DROSHA: variants seen among roughly 807,000 people sequenced by gnomAD.
DROSHA encodes the protein drosha ribonuclease III.
A neutral mutation model predicts 181.9 loss-of-function variants in DROSHA; 56 were observed. The ratio of observed to expected loss-of-function variants is 0.31; its 90% CI spans 0.25 to 0.38. The LOEUF is 0.38. Ranked by LOEUF, DROSHA falls within the 10% of genes least tolerant of loss-of-function variation. DROSHA has a pLI of 1.00. For missense variants in DROSHA, 1,218 were observed against 1,743.5 expected (o/e 0.70, Z 5.37); for synonymous variants, 524 against 591.2 (o/e 0.89, Z 1.65).
intron 30 of DROSHA, among the ~76,000 whole-genome samples, chr5:31,412,012 G>C (rs996009080): frequency 6.6e-6 from 1 of 152,170 alleles, no homozygotes; most frequent in African/African-American, 2.4e-5. Flanking sequence ...ATTTCTACTA[G>C]GAATTTCATC....
chr5:31,427,555 C>T (rs568073884), intron 27 of DROSHA, among the ~76,000 whole-genome samples: 6 of 152,270 alleles, frequency 3.9e-5, no homozygotes, highest in East Asian at 1.9e-4. Flanking sequence ...TAAGGATCAC[C>T]GCAGATACTT....
At chr5:31,489,296 G>A (rs935277655) in intron 13 of DROSHA, among the ~76,000 whole-genome samples, 3 of 152,192 alleles carry the variant, frequency 2.0e-5, no homozygotes, top group African/African-American at 7.2e-5. Context: ...CACTCTGCTA[G>A]ATGATTTATG....
Position 31,420,549 on chromosome 5 carries a change from A to G in DROSHA, c.3525+723T>C, listed in dbSNP as rs182119628. Among the ~76,000 whole-genome samples the G allele has an allele frequency of 2.0e-5, 3 of 152,332 alleles. No individual in the cohort carries two copies. The East Asian group carries it at 5.8e-4, about 29-fold the overall frequency. On this transcript the variant is annotated intron_variant, in intron 30 of 35. Transcript: ENST00000344624. The stretch of plus-strand genomic sequence containing the variant: ...ACCATTTCACTTTGTTTATAAATCA[A>G]ACCTGTCTCTGTAACTCCCTTTCAA...
At chr5:31,421,702 A>C (rs1046373143) in intron 29 of DROSHA, 2 of 213,494 alleles carry the variant, frequency 9.4e-6, no homozygotes, top group African/African-American at 4.6e-5. Flanking sequence ...CTTGAAAGAA[A>C]GCAAACAGGT....
In DROSHA at chr5:31,513,266, G is replaced by A. The variant is rs531905163; in HGVS notation, c.1290+1722C>T. 6.2e-4 allele frequency among the ~76,000 whole-genome samples: 94 copies of A among 152,300 alleles called. 1 individual carries two copies. Among genetic ancestry groups the A allele is most frequent in the Admixed American group, 6.1e-3 (93 of 15,286 alleles). On this transcript the variant is annotated intron_variant, in intron 8 of 35. Transcript: ENST00000344624. ...GCTAGTCCTGCATCATCCTGCAACT[G>A]TGGAAGATGCTCAGGAAGACAGCAG...
intron 33 of DROSHA, 30 bp from the exon 34 acceptor site, chr5:31,406,975 TG>T: frequency 6.3e-7 from 1 of 1,592,418 alleles, no homozygotes; most frequent in Non-Finnish European, 8.6e-7. Flanking sequence ...ACATTTATTA[TG>T]GTAAAGTGTT....
At chr5:31,496,447 A>G (rs1752984093) in intron 11 of DROSHA, among the ~76,000 whole-genome samples, 2 of 152,014 alleles carry the variant, frequency 1.3e-5, no homozygotes, top group African/African-American at 2.4e-5. Context: ...CAAAAAGAAA[A>G]CCATAAACAT....
intron 23 of DROSHA, among the ~76,000 whole-genome samples, chr5:31,445,242 C>T (rs1189037549): frequency 6.6e-6 from 1 of 152,216 alleles, no homozygotes; most frequent in East Asian, 1.9e-4. Context: ...TTGCAAGCAA[C>T]CCCAGAGCCT....
chr5:31,529,177 A>C, intron 3 of DROSHA, 72 bp from the exon 4 acceptor site: 1 of 1,357,136 alleles, frequency 7.4e-7, no homozygotes, highest in Non-Finnish European at 1.0e-6. Flanking sequence ...ATATTTCTGC[A>C]ATTACCATAA....
At chr5:31,449,221 T>C in intron 22 of DROSHA, 60 bp downstream of exon 22, 1 of 1,596,926 alleles carries the variant, frequency 6.3e-7, no homozygotes, top group Non-Finnish European at 8.6e-7. Context: ...GCGAAATAAT[T>C]TACAACAGAA....
chr5:31,454,575 A>C (rs948623657), intron 20 of DROSHA, among the ~76,000 whole-genome samples: 1 of 152,104 alleles, frequency 6.6e-6, no homozygotes, highest in Non-Finnish European at 1.5e-5. Flanking sequence ...GCAACAGAAA[A>C]GAATCACGAT....
chr5:31,512,380 A>G (rs549302304), intron 8 of DROSHA, among the ~76,000 whole-genome samples: 224 of 152,320 alleles, frequency 1.5e-3, no homozygotes, highest in African/African-American at 5.2e-3. Context: ...ATAAAAAACA[A>G]CCAGCCCTGC....
chr5:31,504,572 T>A lies in DROSHA; in HGVS notation c.1651A>T (p.Ile551Phe), dbSNP rs1315561758. ...KARRTGIRHS[I>F]YPGEEAIKPC... Reference sequence around the variant, plus strand: ...CCAGTTACCTCTTCTCCAGGATAAATGCTGTGCCTAATTCCTGTGCGTCTT... The same window carrying A: ...CCAGTTACCTCTTCTCCAGGATAAAAGCTGTGCCTAATTCCTGTGCGTCTT... The change falls in exon 11 of 36, where the codon ATT (isoleucine) becomes TTT (phenylalanine). Residue 551 changes from isoleucine (I) to phenylalanine (F), a missense_variant. Transcript: ENST00000344624. 5 of 1,613,866 alleles carry A rather than the reference T, an allele frequency of 3.1e-6. No individual in the cohort carries two copies. The highest frequency in any genetic ancestry group is 4.2e-6 in the Non-Finnish European group (5 of 1,179,900).
intron 26 of DROSHA, 40 bp from the exon 27 acceptor site, chr5:31,429,585 C>T: frequency 1.3e-6 from 2 of 1,560,254 alleles, no homozygotes; most frequent in Middle Eastern, 1.7e-4. Flanking sequence ...GAGTCTCCAT[C>T]AACAGTCAAA....
chr5:31,441,273 T>C (rs1431446835), intron 23 of DROSHA, among the ~76,000 whole-genome samples: 1 of 152,014 alleles, frequency 6.6e-6, no homozygotes, highest in Non-Finnish European at 1.5e-5. Context: ...GAGCTGGGTG[T>C]GGTGGCACGT....
At chr5:31,507,621 A>C (rs1738144879) in intron 10 of DROSHA, among the ~76,000 whole-genome samples, 1 of 152,158 alleles carries the variant, frequency 6.6e-6, no homozygotes, top group African/African-American at 2.4e-5. Context: ...GTCTCAAAAA[A>C]AACAAAAAAA....
intron 12 of DROSHA, among the ~76,000 whole-genome samples, chr5:31,493,959 G>GTGTGTA (rs1297773468): frequency 4.8e-5 from 7 of 146,444 alleles, no homozygotes; most frequent in African/African-American, 1.9e-4. Context: ...GTGTGTGTGT[G>GTGTGTA]TGTGTGTGTG....
intron 6 of DROSHA, among the ~76,000 whole-genome samples, chr5:31,516,218 G>C (rs987726991): frequency 6.6e-6 from 1 of 152,266 alleles, no homozygotes; most frequent in East Asian, 1.9e-4. Context: ...ATTGCACCAC[G>C]CACTCCAGCC....
intron 20 of DROSHA, among the ~76,000 whole-genome samples, chr5:31,458,351 A>G (rs1747916344): frequency 6.6e-6 from 1 of 152,210 alleles, no homozygotes; most frequent in South Asian, 2.1e-4. Flanking sequence ...ATCTGGGACT[A>G]CTTGTTGTAT....
Sources: allele counts gnomAD v4.1 joint callset (sites outside exome capture counted in the v4.1 genomes callset), GRCh38; gene constraint gnomAD v4.1.1; transcripts MANE v1.5; gene names NCBI Gene and HGNC (gene_info 2026-07-23, HGNC 2026-07-21).